The following PTPRN2 variants were observed in gnomAD, a reference collection of about 807,000 sequenced individuals.
PTPRN2 encodes receptor-type tyrosine-protein phosphatase N2.
A neutral mutation model predicts 118.8 loss-of-function variants in PTPRN2; 74 were observed. The observed-to-expected ratio is 0.62, with a 90% CI of 0.52 to 0.76. The LOEUF is 0.76. Ranked by LOEUF, PTPRN2 falls within the 30% of genes least tolerant of loss-of-function variation. The pLI is 0.00. For missense variants in PTPRN2, 1,481 were observed against 1,394.4 expected (o/e 1.06, Z -0.99); for synonymous variants, 641 against 608.0 (o/e 1.05, Z -0.80).
chr7:158,056,514 T>C (rs1809806275), intron 11 of PTPRN2, among the ~76,000 whole-genome samples: 1 of 152,184 alleles, frequency 6.6e-6, no homozygotes, highest in African/African-American at 2.4e-5. Flanking sequence ...GTGCCTGGGT[T>C]TAGGATGGGC....
intron 22 of PTPRN2, among the ~76,000 whole-genome samples, chr7:157,546,315 C>T (rs747666147): frequency 1.3e-5 from 2 of 152,150 alleles, no homozygotes; most frequent in African/African-American, 2.4e-5. Context: ...ATGTGCAGGA[C>T]GGGCAGCTTT....
chr7:158,101,322 A>C (rs1411462974), intron 10 of PTPRN2, among the ~76,000 whole-genome samples: 1 of 152,224 alleles, frequency 6.6e-6, no homozygotes, highest in African/African-American at 2.4e-5. Flanking sequence ...AGCCACATGT[A>C]GAAGAATAAA....
At chr7:158,221,332 A>G (rs1281089565) in intron 3 of PTPRN2, among the ~76,000 whole-genome samples, 1 of 152,160 alleles carries the variant, frequency 6.6e-6, no homozygotes, top group African/African-American at 2.4e-5. Flanking sequence ...TGACATCTCC[A>G]AAAGCAACTG....
At chr7:158,435,442 A>T (rs1816508902) in intron 2 of PTPRN2, among the ~76,000 whole-genome samples, 2 of 152,236 alleles carry the variant, frequency 1.3e-5, no homozygotes, top group African/African-American at 2.4e-5. Flanking sequence ...ATCAGAAAAA[A>T]AAAAGATGAG....
chr7:157,812,851 C>T (rs937473661), intron 12 of PTPRN2, among the ~76,000 whole-genome samples: 2 of 152,082 alleles, frequency 1.3e-5, no homozygotes, highest in Admixed American at 6.5e-5. Flanking sequence ...TTGAGAATTC[C>T]GTTTGGAAAC....
chr7:158,103,495 C>T (rs898922426), intron 10 of PTPRN2, among the ~76,000 whole-genome samples: 9 of 152,236 alleles, frequency 5.9e-5, no homozygotes, highest in African/African-American at 1.9e-4. Flanking sequence ...CAGCGATGTC[C>T]GAGGCAGGGC....
chr7:157,992,452 C>T (rs1804325221), intron 11 of PTPRN2, among the ~76,000 whole-genome samples: 1 of 152,236 alleles, frequency 6.6e-6, no homozygotes, highest in Non-Finnish European at 1.5e-5. Flanking sequence ...ACGGTCTGTA[C>T]TGAGTGGGTC....
chr7:158,489,919 G>A, intron 1 of PTPRN2, 134 bp from the exon 2 acceptor site: 3 of 813,460 alleles, frequency 3.7e-6, no homozygotes, highest in Non-Finnish European at 3.9e-6. Flanking sequence ...CGGCTTTTCC[G>A]AGATGGGGCC....
At chr7:158,044,554 T>C (rs1808701485) in intron 11 of PTPRN2, among the ~76,000 whole-genome samples, 1 of 152,100 alleles carries the variant, frequency 6.6e-6, no homozygotes, top group African/African-American at 2.4e-5. Flanking sequence ...CCTCTGGCTC[T>C]CAGGCAGGCA....
At position 157,647,027 on chromosome 7, in the gene PTPRN2, C is replaced by T. The variant is rs1233912918; in HGVS notation, c.2196+9330G>A. Among the ~76,000 whole-genome samples, 7 of 147,108 alleles carry T rather than the reference C, an allele frequency of 4.8e-5. No individual in the cohort carries two copies. In the East Asian group the frequency reaches 6.8e-4, roughly 14 times the overall value. ...GGACCCATTCACTGTGCACTGAACT[C>T]GGTGGGTCGGACCCATCCAGCGTGC... On this transcript the variant is annotated intron_variant, in intron 14 of 22. Transcript: ENST00000389418.
At chr7:158,373,413 T>A (rs1810258683) in intron 2 of PTPRN2, among the ~76,000 whole-genome samples, 1 of 152,252 alleles carries the variant, frequency 6.6e-6, no homozygotes, top group Admixed American at 6.5e-5. Flanking sequence ...CTTAAGCACG[T>A]TTATCTTCAG....
chr7:157,650,725 G>A (rs765830441), intron 14 of PTPRN2, among the ~76,000 whole-genome samples: 4 of 152,342 alleles, frequency 2.6e-5, no homozygotes, highest in East Asian at 1.9e-4. Flanking sequence ...CCAGGGGAGC[G>A]CCTGCCAAGG....
At chr7:157,576,519 T>C in intron 19 of PTPRN2, 94 bp downstream of exon 19, 1 of 1,304,144 alleles carries the variant, frequency 7.7e-7, no homozygotes, top group South Asian at 1.6e-5. Flanking sequence ...GACGCGGCCC[T>C]CGGCGCCAGG....
intron 13 of PTPRN2, among the ~76,000 whole-genome samples, chr7:157,681,958 G>A (rs932603497): frequency 2.6e-5 from 4 of 152,126 alleles, no homozygotes; most frequent in Middle Eastern, 3.2e-3. Context: ...ATATCTTCTC[G>A]GAATTAAATG....
chr7:157,992,352 T>C lies in PTPRN2; in HGVS notation c.1723+88946A>G, dbSNP rs1207916010. On this transcript the variant is annotated intron_variant, in intron 11 of 22. Transcript: ENST00000389418. Reference sequence around the variant, plus strand: ...CGAGTCTCTCGCTCTCCAGGATGAGTTGGGAGTGGAATCGCCATGGCCACG... The same window carrying C: ...CGAGTCTCTCGCTCTCCAGGATGAGCTGGGAGTGGAATCGCCATGGCCACG... Among the ~76,000 whole-genome samples the C allele has an allele frequency of 2.6e-5, 4 of 152,206 alleles. No homozygotes were observed. The East Asian group carries it at 7.7e-4, about 29-fold the overall frequency.
At chr7:158,273,882 A>G (rs1202419704) in intron 3 of PTPRN2, among the ~76,000 whole-genome samples, 1 of 139,128 alleles carries the variant, frequency 7.2e-6, no homozygotes, top group Non-Finnish European at 1.5e-5. Context: ...GAGGAGCCGC[A>G]GACGCAGGAG....
intron 12 of PTPRN2, among the ~76,000 whole-genome samples, chr7:157,697,882 T>C (rs540045982): frequency 5.6e-4 from 85 of 150,672 alleles, no homozygotes; most frequent in African/African-American, 2.1e-3. Context: ...TCATGCATAC[T>C]GGGTCTTGGC....
In PTPRN2 at chr7:158,020,959, G is replaced by A. The variant is rs539036121; in HGVS notation, c.1723+60339C>T. Among the ~76,000 whole-genome samples the A allele has an allele frequency of 9.2e-5, 14 of 152,204 alleles. No homozygotes were observed. In the East Asian group the frequency reaches 9.7e-4, roughly 11 times the overall value. On this transcript the variant is annotated intron_variant, in intron 11 of 22. Transcript: ENST00000389418. The stretch of plus-strand genomic sequence containing the variant: ...AGGAGGCTGTTCCTAGACGGACATC[G>A]GGTCAGACGGTTTTTGCTTAAGGTA...
rs375123494 is a variant in PTPRN2, at chr7:157,828,438, C to T, written c.1788+70235G>A. On this transcript the variant is annotated intron_variant, in intron 12 of 22. Transcript: ENST00000389418. ...CCTCGGCACCCACAGCTGTGCCCCT[C>T]GGGACCACTTCCCTGCCCCAGAGCC... is the stretch of plus-strand genomic sequence containing the variant. 1.4e-3 allele frequency among the ~76,000 whole-genome samples: 209 copies of T among 152,302 alleles called. 1 individual carries two copies. The highest frequency in any genetic ancestry group is 4.7e-3 in the African/African-American group (197 of 41,560).
Sources: allele counts gnomAD v4.1 joint callset (sites outside exome capture counted in the v4.1 genomes callset), GRCh38; gene constraint gnomAD v4.1.1; transcripts MANE v1.5; gene names NCBI Gene and HGNC (gene_info 2026-07-23, HGNC 2026-07-21).